The following TSTD1 variants were observed in gnomAD, a reference collection of about 807,000 sequenced individuals.
The protein encoded by TSTD1 is thiosulfate sulfurtransferase like domain containing 1.
Under a neutral mutation model 12.6 loss-of-function variants are expected in TSTD1, and 7 were observed. That is an observed-to-expected ratio of 0.55 (90% CI 0.32 to 1.04). TSTD1 has a LOEUF of 1.04. Ranked by LOEUF, TSTD1 falls within the 50% of genes least tolerant of loss-of-function variation. TSTD1 has a pLI of 0.05. For missense variants in TSTD1, 156 were observed against 151.0 expected (o/e 1.03, Z -0.17); for synonymous variants, 73 against 59.7 (o/e 1.22, Z -1.03).
intron 2 of TSTD1, 120 bp downstream of exon 2, chr1:161,038,431 G>T: frequency 8.1e-7 from 1 of 1,240,502 alleles, no homozygotes; most frequent in Non-Finnish European, 1.1e-6. Flanking sequence ...TGGCTCCCGG[G>T]AATGCAGGAC....
rs1650308090 is a variant in TSTD1 at position 161,038,202 on chromosome 1, C to T, written c.134-127G>A. The T allele has an allele frequency of 6.4e-6, 6 of 942,144 alleles. No homozygotes were observed. The South Asian group carries it at 8.7e-5, about 14-fold the overall frequency. The allele number at this position is 942,144 out of a possible 1,614,324, so 58.4% of individuals were successfully genotyped here. On this transcript the variant is annotated intron_variant, in intron 2 of 3. Transcript: ENST00000423014. ...ATGATAACCATCCCCTACCCCCACC[C>T]CAATTTCAAGGAACAGAAACCGACA... is the stretch of plus-strand genomic sequence containing the variant.
chr1:161,038,598 C>A lies in TSTD1; in HGVS notation c.86G>T (p.Arg29Leu), dbSNP rs1557902862. The part of the protein sequence containing the change: ...GRARLFDVRS[R>L]EEAAAGTIPG... ...GATGGTCCCAGCTGCCGCCTCCTCG[C>A]GAGAGCGCACGTCGAAGAGCCGGGC... The change falls in exon 2 of 4, where the codon CGC becomes CTC. Residue 29 changes from arginine (R) to leucine (L), a missense_variant. Coordinates refer to ENST00000423014, the MANE Select transcript of TSTD1 (RefSeq NM_001113207.2). 2 of 1,550,290 alleles carry A rather than the reference C, an allele frequency of 1.3e-6. No homozygotes were observed. The highest frequency in any genetic ancestry group is 2.0e-5 in the Admixed American group (1 of 50,980).
At position 161,037,826 on chromosome 1, in the gene TSTD1, C is replaced by G; in HGVS notation, c.297G>C (p.Gly99=). 1 of 1,551,772 alleles carries G rather than the reference C, an allele frequency of 6.4e-7. No individual in the cohort carries two copies. The highest frequency in any genetic ancestry group is 8.7e-7 in the Non-Finnish European group (1 of 1,146,998). The part of the protein sequence containing the change: ...TQLARSLGYT[G]ARNYAGAYRE... ...TATAGGCTCCAGCGTAGTTGCGAGC[C>G]CTGTGGAGACAAAGAAGCGTGAGAG... The change falls in exon 4 of 4, where the codon GGG becomes GGC. Residue 99 remains glycine, a splice_region_variant and synonymous_variant. Coordinates refer to ENST00000423014, the MANE Select transcript of TSTD1 (RefSeq NM_001113207.2).
rs1650293520 is a variant in TSTD1, at chr1:161,037,971, G to C, written c.238C>G (p.Gln80Glu). The C allele has an allele frequency of 4.5e-6, 7 of 1,551,682 alleles. No individual in the cohort carries two copies. Among genetic ancestry groups the C allele is most frequent in the South Asian group, 1.2e-5 (1 of 84,062 alleles). The change falls in exon 3 of 4, where the codon CAG (glutamine) becomes GAG (glutamate). Residue 80 changes from glutamine (Q) to glutamate (E), a missense_variant. Gln to Glu is a conservative substitution (Grantham distance 29). Transcript: ENST00000423014. ...LEDEHLVFFC[Q>E]MGKRGLQATQ... is the part of the protein sequence containing the mutation. ...GCCTGGAGGCCCCGCTTGCCCATCT[G>C]ACAGAAGAAAACGAGATGCTCATCT...
intron 2 of TSTD1, 62 bp downstream of exon 2, chr1:161,038,489 G>A (rs1571040567): frequency 6.8e-7 from 1 of 1,463,644 alleles, no homozygotes; most frequent in Non-Finnish European, 9.1e-7. Context: ...AGGTCCCATT[G>A]GCAAAGAACC....
At chr1:161,038,782 C>CA in intron 1 of TSTD1, 98 bp downstream of exon 1, 2 of 1,519,516 alleles carry the variant, frequency 1.3e-6, no homozygotes, top group Non-Finnish European at 1.8e-6. Flanking sequence ...GCACGAAGAC[C>CA]CCTCAGCCAC....
At chr1:161,038,195 C>A in intron 2 of TSTD1, 120 bp from the exon 3 acceptor site, 1 of 954,996 alleles carries the variant, frequency 1.0e-6, no homozygotes, top group Non-Finnish European at 1.5e-6. Flanking sequence ...CATCCCCTAC[C>A]CCCACCCCAA....
In TSTD1 at chr1:161,037,708, G is replaced by T. The variant is rs1198451303; in HGVS notation, c.*67C>A. On this transcript the variant is annotated 3_prime_UTR_variant, in exon 4 of 4. Coordinates refer to ENST00000423014, the MANE Select transcript of TSTD1 (RefSeq NM_001113207.2). ...GTTGCCCAATTCACCAAGTCAGCCCGTTCACACCCTTAGTTAAGGTGGCCA... is the reference window on the plus strand; with the variant it reads ...GTTGCCCAATTCACCAAGTCAGCCCTTTCACACCCTTAGTTAAGGTGGCCA... 1.3e-6 allele frequency: 2 copies of T among 1,527,064 alleles called. No homozygotes were observed. Among genetic ancestry groups the T allele is most frequent in the African/African-American group, 2.8e-5 (2 of 72,602 alleles). 94.6% of individuals were successfully genotyped at this position (1,527,064 alleles called of 1,614,324 possible).
rs1313825859 is a variant in TSTD1 at position 161,038,907 on chromosome 1, C to T, written c.-18G>A. 1 of 1,550,742 alleles carries T rather than the reference C, an allele frequency of 6.4e-7. No individual in the cohort carries two copies. Among genetic ancestry groups the T allele is most frequent in the Non-Finnish European group, 8.7e-7 (1 of 1,146,386 alleles). ...CCAGCCATGGTGCGCGTAGCAACCGCGAGTCTCCGGAGTGCGGCCCTGGCC... is the reference window on the plus strand; with the variant it reads ...CCAGCCATGGTGCGCGTAGCAACCGTGAGTCTCCGGAGTGCGGCCCTGGCC... On this transcript the variant is annotated 5_prime_UTR_variant, in exon 1 of 4. Transcript: ENST00000423014.
Position 161,037,720 on chromosome 1 carries a change from AGTT to A in TSTD1, c.*52_*54del, listed in dbSNP as rs1650276311. On this transcript the variant is annotated 3_prime_UTR_variant, in exon 4 of 4. Transcript: ENST00000423014. ...ACCAAGTCAGCCCGTTCACACCCTT[AGTT>A]AAGGTGGCCATTAAGGGGCCAGGGG... 1.3e-6 allele frequency: 2 copies of A among 1,540,324 alleles called. No individual in the cohort carries two copies. The highest frequency in any genetic ancestry group is 4.9e-5 in the East Asian group (2 of 40,862).
At chr1:161,038,445 C>T in intron 2 of TSTD1, 106 bp downstream of exon 2, 2 of 1,320,530 alleles carry the variant, frequency 1.5e-6, no homozygotes, top group Non-Finnish European at 2.0e-6. Context: ...GCAGGACCCC[C>T]ATAATCAGTG....
intron 2 of TSTD1, 149 bp from the exon 3 acceptor site, chr1:161,038,224 G>A (rs898220744): frequency 3.6e-6 from 3 of 834,348 alleles, no homozygotes; most frequent in Non-Finnish European, 5.4e-6. Context: ...AACAGAAACC[G>A]ACAACTTTTG....
At chr1:161,038,396 A>G in intron 2 of TSTD1, 155 bp downstream of exon 2, 2 of 923,406 alleles carry the variant, frequency 2.2e-6, no homozygotes, top group Non-Finnish European at 3.2e-6. Context: ...GCCCCCCATC[A>G]GTCCTTCCTA....
Position 161,037,914 on chromosome 1 carries a change from C to A in TSTD1, c.295G>T (p.Gly99Trp). Residue 99 changes from glycine to tryptophan, a missense_variant and splice_region_variant, in exon 3 of 4, where the codon GGG becomes TGG. Coordinates refer to ENST00000423014, the MANE Select transcript of TSTD1 (RefSeq NM_001113207.2). ...GCTAGCAGCCACACCTCCCCGTACC[C>A]AGTGTATCCAAGACTCCGGGCCAGC... The part of the protein sequence containing the change: ...TQLARSLGYT[G>W]ARNYAGAYRE... The A allele has an allele frequency of 1.9e-6, 3 of 1,551,874 alleles. No individual in the cohort carries two copies. Among genetic ancestry groups the A allele is most frequent in the Non-Finnish European group, 2.6e-6 (3 of 1,147,038 alleles).
intron 2 of TSTD1, 200 bp from the exon 3 acceptor site, chr1:161,038,275 A>C: frequency 1.4e-6 from 1 of 689,952 alleles, no homozygotes; most frequent in African/African-American, 1.8e-5. Flanking sequence ...GCGGGGCGGG[A>C]TGCCCCCTCA....
At position 161,037,735 on chromosome 1, in the gene TSTD1, TA is replaced by T. The variant is rs774959274; in HGVS notation, c.*39del. ...TCACACCCTTAGTTAAGGTGGCCAT[TA>T]AGGGGCCAGGGGGTGGCAATCAGTA... On this transcript the variant is annotated 3_prime_UTR_variant, in exon 4 of 4. Coordinates refer to ENST00000423014, the MANE Select transcript of TSTD1 (RefSeq NM_001113207.2). The T allele has an allele frequency of 1.3e-6, 2 of 1,551,214 alleles. No individual in the cohort carries two copies. Among genetic ancestry groups the T allele is most frequent in the South Asian group, 2.4e-5 (2 of 84,044 alleles).
At chr1:161,038,498 C>A in intron 2 of TSTD1, 53 bp downstream of exon 2, 2 of 1,481,544 alleles carry the variant, frequency 1.3e-6, no homozygotes, top group Non-Finnish European at 9.0e-7. Flanking sequence ...TGGCAAAGAA[C>A]CTCCTGAACG....
rs1041419084 is a variant in TSTD1, at chr1:161,038,930, G to A, written c.-41C>T. The stretch of plus-strand genomic sequence containing the variant: ...CGCGAGTCTCCGGAGTGCGGCCCTG[G>A]CCCGCCCTCTCGGCGCCTGCAACAT... On this transcript the variant is annotated 5_prime_UTR_variant, in exon 1 of 4. Coordinates refer to ENST00000423014, the MANE Select transcript of TSTD1 (RefSeq NM_001113207.2). 6.5e-7 allele frequency: 1 copy of A among 1,548,340 alleles called. No homozygotes were observed. The highest frequency in any genetic ancestry group is 2.5e-5 in the East Asian group (1 of 40,792).
At chr1:161,038,763 G>T (rs1650350043) in intron 1 of TSTD1, 90 bp from the exon 2 acceptor site, 2 of 1,519,798 alleles carry the variant, frequency 1.3e-6, no homozygotes, top group South Asian at 1.2e-5. Flanking sequence ...GCCCCTCCCG[G>T]TAGGGTGTGC....
Sources: allele counts gnomAD v4.1 joint callset, GRCh38; gene constraint gnomAD v4.1.1; transcripts MANE v1.5; gene names NCBI Gene and HGNC (gene_info 2026-07-23, HGNC 2026-07-21).